APBB2: variants seen among roughly 807,000 people sequenced by gnomAD.
APBB2 encodes the protein amyloid beta precursor protein binding family B member 2.
Under a neutral mutation model 82.5 loss-of-function variants are expected in APBB2, and 38 were observed. The observed-to-expected ratio is 0.46, with a 90% CI of 0.36 to 0.60. The LOEUF is 0.60. APBB2 is among the 20% of genes least tolerant of loss of function. The pLI is 0.00. For missense variants in APBB2, 772 were observed against 972.3 expected (o/e 0.79, Z 2.74); for synonymous variants, 341 against 368.2 (o/e 0.93, Z 0.85).
rs915603512 is a variant in APBB2, at chr4:41,033,102, C to T, written c.19+134G>A. The T allele has an allele frequency of 1.9e-5, 14 of 724,566 alleles. No homozygotes were observed. In the Admixed American group the frequency reaches 3.2e-4, roughly 17 times the overall value. The allele number at this position is 724,566 out of a possible 1,614,324, so 44.9% of individuals were successfully genotyped here. A position where few individuals can be genotyped will look rare whatever the true frequency, so the allele number is the denominator to read the frequency against. On this transcript the variant is annotated intron_variant, in intron 5 of 17. Transcript: ENST00000508593. ...CCGGCCAAGATTCATTTTTCTATTACATTAGTGAAGAACAATGAAATTAAA... is the reference window on the plus strand; with the variant it reads ...CCGGCCAAGATTCATTTTTCTATTATATTAGTGAAGAACAATGAAATTAAA...
chr4:41,031,271 T>A (rs1716678271), intron 5 of APBB2, among the ~76,000 whole-genome samples: 1 of 152,184 alleles, frequency 6.6e-6, no homozygotes. Flanking sequence ...CTGGCATGTT[T>A]GTTTTTAAAA....
At chr4:40,840,574 G>C (rs1354918585) in intron 12 of APBB2, among the ~76,000 whole-genome samples, 1 of 152,146 alleles carries the variant, frequency 6.6e-6, no homozygotes, top group African/African-American at 2.4e-5. Context: ...CTCTCGCTTG[G>C]TAAGCTTAAC....
At chr4:41,169,141 C>A (rs775569866) in intron 1 of APBB2, among the ~76,000 whole-genome samples, 5 of 138,566 alleles carry the variant, frequency 3.6e-5, no homozygotes, top group Non-Finnish European at 6.1e-5. Flanking sequence ...GCTGAGATTG[C>A]GCCACTGCAC....
At chr4:41,083,296 T>G (rs527878173) in intron 3 of APBB2, among the ~76,000 whole-genome samples, 1 of 152,102 alleles carries the variant, frequency 6.6e-6, no homozygotes, top group Non-Finnish European at 1.5e-5. Context: ...TATGTACACA[T>G]GTAAAAAGAC....
intron 4 of APBB2, among the ~76,000 whole-genome samples, chr4:41,038,873 A>G (rs755570288): frequency 3.3e-5 from 5 of 152,238 alleles, no homozygotes; most frequent in Non-Finnish European, 7.3e-5. Context: ...CAGTCGTAAT[A>G]AACAGGTATC....
rs569139894 is a variant in APBB2 at position 41,081,982 on chromosome 4, GAAAAAGACTTGTGACACAGTT to G, written c.-148-16330_-148-16310del. On this transcript the variant is annotated intron_variant, in intron 3 of 17. Coordinates refer to ENST00000508593, the MANE Select transcript of APBB2 (RefSeq NM_004307.2). ...AGCAGATTGTAGTAGGTATAGAAAG[GAAAAAGACTTGTGACACAGTT>G]ACTGGCAACAGGGAACTTAGTATAT... Among the ~76,000 whole-genome samples the G allele has an allele frequency of 1.0e-3, 153 of 152,296 alleles. 2 individuals are homozygous for G. The highest frequency in any genetic ancestry group is 3.1e-3 in the Admixed American group (47 of 15,302).
intron 12 of APBB2, among the ~76,000 whole-genome samples, chr4:40,849,413 A>G (rs983908159): frequency 2.6e-5 from 4 of 152,252 alleles, no homozygotes; most frequent in African/African-American, 4.8e-5. Flanking sequence ...AATGAGAAAT[A>G]GCTCCTCTGC....
intron 6 of APBB2, among the ~76,000 whole-genome samples, chr4:40,989,772 T>C (rs1262575579): frequency 6.6e-6 from 1 of 152,156 alleles, no homozygotes; most frequent in Non-Finnish European, 1.5e-5. Context: ...AAGGGGAATG[T>C]GTTTGTTTAG....
At chr4:41,079,164 C>T (rs920771362) in intron 3 of APBB2, among the ~76,000 whole-genome samples, 1 of 152,194 alleles carries the variant, frequency 6.6e-6, no homozygotes, top group African/African-American at 2.4e-5. Context: ...CAGGGTCTAC[C>T]CAACATAGAA....
intron 12 of APBB2, among the ~76,000 whole-genome samples, chr4:40,851,386 A>G (rs1759299965): frequency 6.6e-6 from 1 of 152,220 alleles, no homozygotes; most frequent in South Asian, 2.1e-4. Flanking sequence ...CTAAAAGGTC[A>G]CTAGCAGATG....
intron 1 of APBB2, among the ~76,000 whole-genome samples, chr4:41,170,885 T>C (rs147041490): frequency 3.1e-4 from 47 of 152,202 alleles, no homozygotes; most frequent in African/African-American, 8.7e-4. Flanking sequence ...AAATGAAAAA[T>C]TGAAAACTAT....
chr4:40,920,500 A>G (rs919220316), intron 10 of APBB2, among the ~76,000 whole-genome samples: 3 of 152,204 alleles, frequency 2.0e-5, no homozygotes, highest in African/African-American at 7.2e-5. Flanking sequence ...GGTGAACCTG[A>G]GCTTAAGGAA....
chr4:40,995,037 G>A (rs1040774223), intron 6 of APBB2, among the ~76,000 whole-genome samples: 3 of 151,900 alleles, frequency 2.0e-5, no homozygotes, highest in African/African-American at 7.3e-5. Flanking sequence ...TAGGTCCCAA[G>A]TAGCATCATC....
chr4:41,093,854 CAA>C (rs1234300448), intron 3 of APBB2, among the ~76,000 whole-genome samples: 22 of 104,626 alleles, frequency 2.1e-4, no homozygotes, highest in Admixed American at 3.1e-4. Flanking sequence ...AACTTCATCT[CAA>C]AAAAAAAAAA....
chr4:40,908,539 T>C lies in APBB2; in HGVS notation c.1255-15128A>G, dbSNP rs559523983. ...TATAATGCCTCTCACCCCATACACG[T>C]GTGCACAACACGCCTCCTCCCCTCC... On this transcript the variant is annotated intron_variant, in intron 10 of 17. Transcript: ENST00000508593. Among the ~76,000 whole-genome samples the C allele has an allele frequency of 3.3e-5, 5 of 151,992 alleles. No individual in the cohort carries two copies. The South Asian group carries it at 1.0e-3, about 31-fold the overall frequency.
At chr4:41,067,978 A>C (rs902910251) in intron 3 of APBB2, among the ~76,000 whole-genome samples, 1 of 152,200 alleles carries the variant, frequency 6.6e-6, no homozygotes, top group Non-Finnish European at 1.5e-5. Context: ...AGATGGCCTG[A>C]GATCTCAAAA....
At chr4:41,143,906 C>A (rs114671584) in intron 1 of APBB2, among the ~76,000 whole-genome samples, 1,566 of 152,294 alleles carry the variant, frequency 0.01, 20 homozygotes, top group African/African-American at 0.035. Context: ...AAACATGTGG[C>A]CTAGCCCACA....
chr4:40,880,290 ATTC>A, intron 12 of APBB2: 1 of 985,388 alleles, frequency 1.0e-6, no homozygotes, highest in Non-Finnish European at 1.2e-6. Flanking sequence ...ATGTTCTCAA[ATTC>A]TTCTTTCCCA....
chr4:40,912,578 T>TAAA (rs35548187), intron 10 of APBB2, among the ~76,000 whole-genome samples: 37,527 of 124,454 alleles, frequency 0.3, 4,982 homozygotes, highest in Middle Eastern at 0.44. Flanking sequence ...TTCCTTCTCA[T>TAAA]AAAAAAAAAA....
Sources: gnomAD v4.1 joint callset for allele counts (sites outside exome capture counted in the v4.1 genomes callset) on GRCh38, gnomAD v4.1.1 for gene constraint, MANE v1.5 for transcripts, NCBI Gene and HGNC (gene_info 2026-07-23, HGNC 2026-07-21) for gene names.